The following XRCC5 variants were observed in gnomAD, a reference collection of about 807,000 sequenced individuals.
The protein encoded by XRCC5 is X-ray repair cross complementing 5.
In XRCC5, 12 loss-of-function variants were observed where a neutral mutation model predicts 95.7. The ratio of observed to expected loss-of-function variants is 0.13; its 90% CI spans 0.08 to 0.20. The LOEUF (loss-of-function observed/expected upper bound fraction) is 0.20, where lower values mean the gene tolerates loss of function less well. Among genes scored for constraint, XRCC5 ranks in the 10% least tolerant of loss-of-function variants. The probability of loss-of-function intolerance (pLI) is 1.00; values close to 1 mark genes in which losing one functional copy is unlikely to be tolerated. For synonymous variants in XRCC5, 281 were observed against 290.3 expected, an observed-to-expected ratio of 0.97 and a Z score of 0.33; for missense variants, 595 against 873.9, an observed-to-expected ratio of 0.68 and a Z score of 4.02.
intron 13 of XRCC5, among the ~76,000 whole-genome samples, chr2:216,145,831 C>T (rs1275420689): frequency 6.6e-6 from 1 of 152,132 alleles, no homozygotes; most frequent in Non-Finnish European, 1.5e-5. Flanking sequence ...GTTGTTCTAG[C>T]CCTTTTCCAA....
intron 3 of XRCC5, 175 bp downstream of exon 3, chr2:216,117,017 C>A: frequency 1.5e-6 from 1 of 687,558 alleles, no homozygotes; most frequent in Non-Finnish European, 2.4e-6. Context: ...CAGTTTAAAA[C>A]AGTGCCTGGG....
intron 16 of XRCC5, 73 bp from the exon 17 acceptor site, chr2:216,190,152 G>A: frequency 1.5e-6 from 2 of 1,298,346 alleles, no homozygotes; most frequent in Non-Finnish European, 2.2e-6. Context: ...CATACTTATA[G>A]GCACAAACAC....
chr2:216,164,422 A>G (rs1377140161), intron 16 of XRCC5, among the ~76,000 whole-genome samples: 1 of 152,204 alleles, frequency 6.6e-6, no homozygotes, highest in Non-Finnish European at 1.5e-5. Context: ...TATTTTAATT[A>G]CCCTGCATTA....
Position 216,125,989 on chromosome 2 carries a change from C to T in XRCC5, c.756C>T (p.Thr252=), listed in dbSNP as rs758782123. 1 of 1,613,924 alleles carries T rather than the reference C, an allele frequency of 6.2e-7. No homozygotes were observed. Among genetic ancestry groups the T allele is most frequent in the South Asian group, 1.1e-5 (1 of 91,074 alleles). The change falls in exon 7 of 21, where the codon ACC becomes ACT. Residue 252 remains threonine, a synonymous_variant. Coordinates refer to ENST00000392132, the MANE Select transcript of XRCC5 (RefSeq NM_021141.4). ...CCATTCACTGGCCCTGCCGACTGACCATTGGCTCCAATTTGTCTATAAGGA... is the reference window on the plus strand; with the variant it reads ...CCATTCACTGGCCCTGCCGACTGACTATTGGCTCCAATTTGTCTATAAGGA... ...RHSIHWPCRL[T]IGSNLSIRIA...
intron 2 of XRCC5, among the ~76,000 whole-genome samples, chr2:216,115,386 C>T (rs1462604231): frequency 6.6e-6 from 1 of 152,178 alleles, no homozygotes; most frequent in Admixed American, 6.5e-5. Flanking sequence ...TTCCTCCCCT[C>T]CCATGACTGA....
At chr2:216,187,817 ACACACTCTCTCT>A (rs1421736343) in intron 16 of XRCC5, among the ~76,000 whole-genome samples, 37 of 59,104 alleles carry the variant, frequency 6.3e-4, no homozygotes, top group East Asian at 3.0e-3. Context: ...ACACACACAC[ACACACTCTCTCT>A]CTCTCTCTCT....
In XRCC5 at chr2:216,197,448, G is replaced by GAA. The variant is rs369842827; in HGVS notation, c.2109+2481_2109+2482dup. On this transcript the variant is annotated intron_variant, in intron 19 of 20. Coordinates refer to ENST00000392132, the MANE Select transcript of XRCC5 (RefSeq NM_021141.4). ...CAACGAAAGCGAAACTCTGTCCCAG[G>GAA]AAAAAAAAAAAAAAAAAAAAGACAA... Among the ~76,000 whole-genome samples the GAA allele has an allele frequency of 7.3e-3, 805 of 110,266 alleles. 7 individuals are homozygous for GAA. Among genetic ancestry groups the GAA allele is most frequent in the African/African-American group, 0.016 (485 of 30,014 alleles). The allele number at this position is 110,266 out of a possible 152,430, so 72.3% of individuals were successfully genotyped here. A position where few individuals can be genotyped will look rare whatever the true frequency, so the allele number is the denominator to read the frequency against.
chr2:216,180,823 T>A (rs376162544), intron 16 of XRCC5, among the ~76,000 whole-genome samples: 12 of 151,780 alleles, frequency 7.9e-5, no homozygotes, highest in East Asian at 7.7e-4. Flanking sequence ...TTTTTTTTTT[T>A]TTTTCCGAGA....
chr2:216,186,238 TAA>T (rs1173386667), intron 16 of XRCC5, among the ~76,000 whole-genome samples: 1 of 152,212 alleles, frequency 6.6e-6, no homozygotes, highest in Non-Finnish European at 1.5e-5. Context: ...TGAGTAAATG[TAA>T]AGTCAGAGGC....
Position 216,172,626 on chromosome 2 carries a change from G to A in XRCC5, c.1834+10578G>A, listed in dbSNP as rs58685146. ...TGGGATTACAGGCATGAGGTACTAC[G>A]CCTGGCTCATGTTTGTATTTTTTTA... On this transcript the variant is annotated intron_variant, in intron 16 of 20. Coordinates refer to ENST00000392132, the MANE Select transcript of XRCC5 (RefSeq NM_021141.4). Among the ~76,000 whole-genome samples the A allele has an allele frequency of 7.2e-3, 1,097 of 151,954 alleles. 16 individuals carry two copies. The highest frequency in any genetic ancestry group is 0.025 in the African/African-American group (1,026 of 41,448).
chr2:216,141,908 G>T (rs1047560774), intron 13 of XRCC5, among the ~76,000 whole-genome samples: 2 of 152,054 alleles, frequency 1.3e-5, no homozygotes, highest in Non-Finnish European at 1.5e-5. Context: ...AAAAAAATTA[G>T]CCGGGCATGG....
At chr2:216,192,843 G>C (rs1689642758) in intron 18 of XRCC5, 108 bp downstream of exon 18, 1 of 744,884 alleles carries the variant, frequency 1.3e-6, no homozygotes, top group African/African-American at 1.8e-5. Context: ...TGTATAATGA[G>C]TTATGTGGGA....
Position 216,148,212 on chromosome 2 carries a change from CT to C in XRCC5, c.1611del (p.Pro538LeufsTer2). 6.2e-7 allele frequency: 1 copy of C among 1,613,812 alleles called. No homozygotes were observed. Among genetic ancestry groups the C allele is most frequent in the African/African-American group, 1.3e-5 (1 of 75,006 alleles). On this transcript the variant is annotated frameshift_variant, in exon 14 of 21. Coordinates refer to ENST00000392132, the MANE Select transcript of XRCC5 (RefSeq NM_021141.4). LOFTEE classifies it high-confidence loss of function. ...SQIPLSKIKTLFPLIEAKKKD... is the reference protein window; with the variant it reads ...SQIPLSKIKTXFPLIEAKKKD... Reference sequence around the variant, plus strand: ...GATTCCTCTCTCTAAAATAAAGACCCTTTTTCCTCTGATTGAAGCCAAGAAA... The same window carrying C: ...GATTCCTCTCTCTAAAATAAAGACCCTTTTCCTCTGATTGAAGCCAAGAAA...
intron 16 of XRCC5, among the ~76,000 whole-genome samples, chr2:216,181,201 CT>C (rs1179218558): frequency 1.3e-5 from 2 of 152,154 alleles, no homozygotes; most frequent in Non-Finnish European, 2.9e-5. Flanking sequence ...TCAGGTCTGT[CT>C]TTTCCTTTCC....
chr2:216,112,512 CAA>C (rs1438521352), intron 1 of XRCC5, among the ~76,000 whole-genome samples: 2 of 152,200 alleles, frequency 1.3e-5, no homozygotes, highest in Non-Finnish European at 2.9e-5. Context: ...CAAACTGACT[CAA>C]ATTGTCAGGG....
rs367813711 is a variant in XRCC5, at chr2:216,138,189, T to G, written c.1342+10T>G. ...AAATATGCTCCCACCGGTGAGTTTG[T>G]TTTCATTTAGATCACTCATTGACTA... is the stretch of plus-strand genomic sequence containing the variant. On this transcript the variant is annotated intron_variant, in intron 12 of 20. Coordinates refer to ENST00000392132, the MANE Select transcript of XRCC5 (RefSeq NM_021141.4). 110 of 1,610,130 alleles carry G rather than the reference T, an allele frequency of 6.8e-5. No individual in the cohort carries two copies. Among genetic ancestry groups the G allele is most frequent in the Non-Finnish European group, 8.8e-5 (104 of 1,178,240 alleles).
chr2:216,168,374 CT>C (rs1177564854), intron 16 of XRCC5, among the ~76,000 whole-genome samples: 1 of 151,996 alleles, frequency 6.6e-6, no homozygotes, highest in African/African-American at 2.4e-5. Context: ...TATAATGAAA[CT>C]CAGCAGCCAA....
chr2:216,120,689 G>A (rs565262342), intron 5 of XRCC5, among the ~76,000 whole-genome samples: 1 of 152,162 alleles, frequency 6.6e-6, no homozygotes, highest in East Asian at 1.9e-4. Flanking sequence ...CTGTATAGCT[G>A]AGACTATAGA....
At chr2:216,203,038 A>G (rs1302404384) in intron 19 of XRCC5, among the ~76,000 whole-genome samples, 1 of 152,210 alleles carries the variant, frequency 6.6e-6, no homozygotes, top group Non-Finnish European at 1.5e-5. Flanking sequence ...GATTGTGTCC[A>G]TTGTACCATA....
Sources: allele counts gnomAD v4.1 joint callset (sites outside exome capture counted in the v4.1 genomes callset), GRCh38; gene constraint gnomAD v4.1.1; transcripts MANE v1.5; gene names NCBI Gene and HGNC (gene_info 2026-07-23, HGNC 2026-07-21).